The following CTNNA3 variants were observed in gnomAD, a reference collection of about 807,000 sequenced individuals.
CTNNA3 encodes catenin alpha-3.
Under a neutral mutation model 95.7 loss-of-function variants are expected in CTNNA3, and 76 were observed. The observed-to-expected ratio is 0.79, with a 90% confidence interval of 0.66 to 0.96. The LOEUF (loss-of-function observed/expected upper bound fraction) is 0.96. Ranked by LOEUF, CTNNA3 falls within the 40% of genes least tolerant of loss-of-function variation. The pLI is 0.00. For synonymous variants in CTNNA3, 431 were observed against 374.4 expected (o/e 1.15, Z -1.74); for missense variants, 1,191 against 1,089.8 (o/e 1.09, Z -1.31).
chr10:67,238,264 C>A (rs769110202), intron 5 of CTNNA3, among the ~76,000 whole-genome samples: 10 of 151,968 alleles, frequency 6.6e-5, no homozygotes, highest in Non-Finnish European at 1.3e-4. Context: ...GGAGCTAAAG[C>A]CATGTGTGTG....
chr10:66,510,337 A>T (rs1413556654), intron 11 of CTNNA3, among the ~76,000 whole-genome samples: 1 of 143,422 alleles, frequency 7.0e-6, no homozygotes, highest in Non-Finnish European at 1.6e-5. Context: ...GTTGTTTGCA[A>T]AGAGGGACAA....
intron 11 of CTNNA3, among the ~76,000 whole-genome samples, chr10:66,451,335 A>G (rs1331373601): frequency 2.0e-5 from 3 of 152,162 alleles, no homozygotes; most frequent in East Asian, 1.9e-4. Flanking sequence ...AATAAGGTAA[A>G]TGTTATTATA....
chr10:65,983,484 G>GA (rs774676953), intron 16 of CTNNA3, among the ~76,000 whole-genome samples: 1 of 151,226 alleles, frequency 6.6e-6, no homozygotes, highest in Non-Finnish European at 1.5e-5. Flanking sequence ...TACAGAAATA[G>GA]AAAAAAATAT....
At chr10:66,913,565 G>A (rs938926272) in intron 7 of CTNNA3, among the ~76,000 whole-genome samples, 5 of 152,164 alleles carry the variant, frequency 3.3e-5, no homozygotes, top group Non-Finnish European at 5.9e-5. Context: ...AATGAGGATA[G>A]AGAAAAGAGG....
At chr10:66,114,706 C>G (rs1422537873) in intron 13 of CTNNA3, among the ~76,000 whole-genome samples, 1 of 151,312 alleles carries the variant, frequency 6.6e-6, no homozygotes, top group Non-Finnish European at 1.5e-5. Flanking sequence ...TGGTGAAACC[C>G]CGTCTCTACT....
intron 15 of CTNNA3, among the ~76,000 whole-genome samples, chr10:66,020,498 T>C (rs1261275717): frequency 6.6e-6 from 1 of 152,216 alleles, no homozygotes; most frequent in East Asian, 1.9e-4. Context: ...ACACTGAACA[T>C]TCCTGCAGAG....
chr10:66,042,705 G>T (rs1406911108), intron 15 of CTNNA3, among the ~76,000 whole-genome samples: 1 of 151,652 alleles, frequency 6.6e-6, no homozygotes. Context: ...TTCGAGACCA[G>T]CCTGCCCAAT....
chr10:66,309,209 A>G (rs1313343808), intron 12 of CTNNA3, among the ~76,000 whole-genome samples: 2 of 152,312 alleles, frequency 1.3e-5, no homozygotes, highest in South Asian at 2.1e-4. Context: ...CAGTAAAAAC[A>G]TGAGACCTAG....
At chr10:66,006,097 C>G (rs2078875399) in intron 15 of CTNNA3, among the ~76,000 whole-genome samples, 1 of 149,474 alleles carries the variant, frequency 6.7e-6, no homozygotes, top group Non-Finnish European at 1.5e-5. Flanking sequence ...AGTGCAAGCT[C>G]TGCCTCCTGG....
At chr10:67,060,450 T>C (rs930907272) in intron 7 of CTNNA3, among the ~76,000 whole-genome samples, 1 of 152,214 alleles carries the variant, frequency 6.6e-6, no homozygotes, top group African/African-American at 2.4e-5. Context: ...CTCAAGTACA[T>C]AAAAGTAAAT....
At chr10:66,664,503 G>A (rs909363116) in intron 9 of CTNNA3, among the ~76,000 whole-genome samples, 10 of 152,058 alleles carry the variant, frequency 6.6e-5, no homozygotes, top group Admixed American at 6.6e-5. Context: ...TGTGGGGTTG[G>A]ATGAAGCTAG....
intron 12 of CTNNA3, among the ~76,000 whole-genome samples, chr10:66,289,968 A>G (rs1200514019): frequency 6.6e-6 from 1 of 152,034 alleles, no homozygotes; most frequent in Non-Finnish European, 1.5e-5. Flanking sequence ...ACAATCATAC[A>G]TGCATTGTAT....
At chr10:67,528,528 GC>G (rs927426808) in intron 4 of CTNNA3, among the ~76,000 whole-genome samples, 1 of 152,072 alleles carries the variant, frequency 6.6e-6, no homozygotes, top group African/African-American at 2.4e-5. Context: ...CAGGTAAAAT[GC>G]CCTCTGCCCC....
At position 65,943,151 on chromosome 10, in the gene CTNNA3, C is replaced by T. The variant is rs571931237; in HGVS notation, c.2401-22534G>A. On this transcript the variant is annotated intron_variant, in intron 17 of 17. Transcript: ENST00000433211. The stretch of plus-strand genomic sequence containing the variant: ...TGATCTCGGCTCACTGCAAGCTCCG[C>T]CTCCTGGGCTCACGCCATCCTTCTG... 3.3e-5 allele frequency among the ~76,000 whole-genome samples: 5 copies of T among 151,862 alleles called. No individual in the cohort carries two copies. The East Asian group carries it at 9.7e-4, about 29-fold the overall frequency.
intron 2 of CTNNA3, among the ~76,000 whole-genome samples, chr10:67,638,275 A>G: frequency 6.6e-6 from 1 of 152,236 alleles, no homozygotes; most frequent in East Asian, 1.9e-4. Flanking sequence ...GAAGGCCATT[A>G]CATAATGGTA....
chr10:66,238,079 T>C (rs2089943963), intron 13 of CTNNA3, among the ~76,000 whole-genome samples: 2 of 152,072 alleles, frequency 1.3e-5, no homozygotes, highest in African/African-American at 2.4e-5. Flanking sequence ...AAAAGATAGA[T>C]TTATCTATTA....
intron 5 of CTNNA3, among the ~76,000 whole-genome samples, chr10:67,505,224 T>C (rs1437442268): frequency 6.6e-6 from 1 of 152,236 alleles, no homozygotes; most frequent in East Asian, 1.9e-4. Flanking sequence ...AGACTGAAAT[T>C]GGATACTTAC....
intron 7 of CTNNA3, among the ~76,000 whole-genome samples, chr10:66,823,657 A>T (rs1842380655): frequency 6.6e-6 from 1 of 152,168 alleles, no homozygotes; most frequent in Non-Finnish European, 1.5e-5. Context: ...TAAAAATAAC[A>T]ATAATAACAA....
chr10:66,580,228 C>T (rs529162838), intron 10 of CTNNA3, among the ~76,000 whole-genome samples: 56 of 151,572 alleles, frequency 3.7e-4, no homozygotes, highest in African/African-American at 1.4e-3. Context: ...TTTGCTGTAA[C>T]ATTCTATTTT....
Sources: gnomAD v4.1 joint callset for allele counts (sites outside exome capture counted in the v4.1 genomes callset) on GRCh38, gnomAD v4.1.1 for gene constraint, MANE v1.5 for transcripts, NCBI Gene and HGNC (gene_info 2026-07-23, HGNC 2026-07-21) for gene names.